Variants in PTPRG observed in about 807,000 individuals in gnomAD.
The protein encoded by PTPRG is receptor-type tyrosine-protein phosphatase gamma.
PTPRG carries 102 observed loss-of-function variants against 165.3 expected under a neutral mutation model. That is an observed-to-expected ratio of 0.62 (90% CI 0.53 to 0.73). The LOEUF is 0.73. PTPRG is among the 30% of genes least tolerant of loss of function. PTPRG has a pLI of 0.00. For missense variants in PTPRG, 1,866 were observed against 1,861.4 expected, an observed-to-expected ratio of 1.00 and a Z score of -0.05; for synonymous variants, 675 against 669.5, an observed-to-expected ratio of 1.01 and a Z score of -0.13.
chr3:61,924,891 G>A (rs184280622), intron 2 of PTPRG, among the ~76,000 whole-genome samples: 1 of 152,282 alleles, frequency 6.6e-6, no homozygotes, highest in Admixed American at 6.5e-5. Context: ...TGGGGCATTT[G>A]GGAAGTAATT....
At chr3:61,842,613 T>G (rs931501761) in intron 2 of PTPRG, among the ~76,000 whole-genome samples, 6 of 151,508 alleles carry the variant, frequency 4.0e-5, no homozygotes, top group African/African-American at 1.5e-4. Context: ...ACAACACAAC[T>G]TGTTTCCTTT....
chr3:62,071,559 A>G (rs996414337), intron 4 of PTPRG, among the ~76,000 whole-genome samples: 1 of 152,164 alleles, frequency 6.6e-6, no homozygotes, highest in East Asian at 1.9e-4. Flanking sequence ...CAGCTTTGGC[A>G]CTCAAAAATA....
rs112721404 is a variant in PTPRG at position 61,853,803 on chromosome 3, C to A, written c.190+104821C>A. Among the ~76,000 whole-genome samples the A allele has an allele frequency of 8.5e-3, 1,291 of 152,286 alleles. 15 individuals carry two copies. Among genetic ancestry groups the A allele is most frequent in the African/African-American group, 0.029 (1,208 of 41,550 alleles). ...ATTCACTGTGACCCCTTTGTTTTCT[C>A]CTCCAAGTTGATGTGTTCTGGGGTG... On this transcript the variant is annotated intron_variant, in intron 2 of 29. Transcript: ENST00000474889.
At chr3:62,285,427 CAG>C (rs1318074052) in intron 28 of PTPRG, among the ~76,000 whole-genome samples, 1 of 143,294 alleles carries the variant, frequency 7.0e-6, no homozygotes, top group Non-Finnish European at 1.5e-5. Flanking sequence ...ATCTGTGAGG[CAG>C]AGAGTTGAAC....
intron 1 of PTPRG, among the ~76,000 whole-genome samples, chr3:61,687,349 A>G (rs1703666290): frequency 6.6e-6 from 1 of 152,182 alleles, no homozygotes; most frequent in Non-Finnish European, 1.5e-5. Flanking sequence ...GTGCTGCACT[A>G]GCCCTGTTCA....
At chr3:62,075,632 G>T (rs1469592819) in intron 4 of PTPRG, among the ~76,000 whole-genome samples, 1 of 152,082 alleles carries the variant, frequency 6.6e-6, no homozygotes, top group Non-Finnish European at 1.5e-5. Flanking sequence ...TCCTGATTTG[G>T]GCTACCTGAT....
intron 5 of PTPRG, among the ~76,000 whole-genome samples, chr3:62,111,211 C>G (rs1702656045): frequency 6.6e-6 from 1 of 152,196 alleles, no homozygotes; most frequent in Admixed American, 6.5e-5. Context: ...GAAGTTAAGT[C>G]AAATCAACAG....
At chr3:61,805,331 G>A (rs2035378645) in intron 2 of PTPRG, among the ~76,000 whole-genome samples, 1 of 152,046 alleles carries the variant, frequency 6.6e-6, no homozygotes, top group African/African-American at 2.4e-5. Flanking sequence ...GTCCTGAATT[G>A]TTGATAGTGC....
chr3:61,946,167 C>T (rs1231205192), intron 2 of PTPRG, among the ~76,000 whole-genome samples: 1 of 152,182 alleles, frequency 6.6e-6, no homozygotes, highest in Non-Finnish European at 1.5e-5. Flanking sequence ...GTGTCTTCCT[C>T]ATACAATCCC....
At chr3:61,898,552 G>T (rs1251311245) in intron 2 of PTPRG, among the ~76,000 whole-genome samples, 1 of 152,168 alleles carries the variant, frequency 6.6e-6, no homozygotes, top group Non-Finnish European at 1.5e-5. Context: ...AATCATCTGA[G>T]TTCATATTTA....
chr3:61,804,491 A>G (rs543263899), intron 2 of PTPRG, among the ~76,000 whole-genome samples: 13 of 152,288 alleles, frequency 8.5e-5, no homozygotes, highest in Admixed American at 5.9e-4. Context: ...CTTTATTCCA[A>G]TGGTACATTG....
chr3:61,701,926 G>T (rs558631737), intron 1 of PTPRG, among the ~76,000 whole-genome samples: 2 of 152,124 alleles, frequency 1.3e-5, no homozygotes, highest in East Asian at 1.9e-4. Context: ...AGGAAGGAGA[G>T]GGAGGAAGGA....
chr3:61,647,811 A>AAAAAAAG (rs1553644135), intron 1 of PTPRG, among the ~76,000 whole-genome samples: 2 of 147,184 alleles, frequency 1.4e-5, no homozygotes, highest in African/African-American at 2.5e-5. Context: ...AAAAAAAAAA[A>AAAAAAAG]GAGTTAGCAA....
chr3:61,823,324 G>A (rs2036010134), intron 2 of PTPRG, among the ~76,000 whole-genome samples: 2 of 152,128 alleles, frequency 1.3e-5, no homozygotes, highest in Non-Finnish European at 2.9e-5. Context: ...CTAAGTAGCT[G>A]AGACTACAGA....
At chr3:61,932,321 G>C (rs1021268525) in intron 2 of PTPRG, among the ~76,000 whole-genome samples, 1 of 152,194 alleles carries the variant, frequency 6.6e-6, no homozygotes, top group Non-Finnish European at 1.5e-5. Context: ...GAACACAACA[G>C]ACCATAAAAT....
At chr3:62,049,829 G>T (rs1700415578) in intron 4 of PTPRG, among the ~76,000 whole-genome samples, 1 of 152,178 alleles carries the variant, frequency 6.6e-6, no homozygotes, top group Non-Finnish European at 1.5e-5. Context: ...TTGAAATAAA[G>T]TAGTGTTAGG....
chr3:62,119,709 G>A (rs181113286), intron 5 of PTPRG, among the ~76,000 whole-genome samples: 250 of 151,404 alleles, frequency 1.7e-3, no homozygotes, highest in African/African-American at 5.9e-3. Flanking sequence ...CAAACTCCAC[G>A]TCCTGGGTTC....
chr3:62,001,636 T>A (rs985727525), intron 3 of PTPRG, among the ~76,000 whole-genome samples: 2 of 151,726 alleles, frequency 1.3e-5, no homozygotes, highest in Admixed American at 1.3e-4. Context: ...ATTTTAGATA[T>A]TATCTTCTAA....
chr3:62,023,741 G>A (rs1439109994), intron 4 of PTPRG, among the ~76,000 whole-genome samples: 2 of 152,088 alleles, frequency 1.3e-5, no homozygotes, highest in Admixed American at 6.5e-5. Context: ...TCTTAAATGC[G>A]AAGAGATTAA....
Sources: gnomAD v4.1 joint callset for allele counts (sites outside exome capture counted in the v4.1 genomes callset) on GRCh38, gnomAD v4.1.1 for gene constraint, MANE v1.5 for transcripts, NCBI Gene and HGNC (gene_info 2026-07-23, HGNC 2026-07-21) for gene names.